The following NPSR1 variants were observed in gnomAD, a reference collection of about 807,000 sequenced individuals.
The protein encoded by NPSR1 is neuropeptide S receptor.
A neutral mutation model predicts 46.9 loss-of-function variants in NPSR1; 48 were observed. The ratio of observed to expected loss-of-function variants is 1.02; its 90% confidence interval spans 0.81 to 1.30. The LOEUF is 1.30. Among genes scored for constraint, NPSR1 ranks in the 50% most tolerant of loss-of-function variants. The pLI is 0.00. For synonymous variants in NPSR1, 176 were observed against 168.1 expected, an observed-to-expected ratio of 1.05 and a Z score of -0.36; for missense variants, 450 against 449.5, an observed-to-expected ratio of 1.00 and a Z score of -0.01.
At chr7:34,680,578 G>A (rs1307468914) in intron 1 of NPSR1, among the ~76,000 whole-genome samples, 2 of 152,080 alleles carry the variant, frequency 1.3e-5, no homozygotes, top group Admixed American at 1.3e-4. Flanking sequence ...GTACCCTATA[G>A]CATTGTTTCT....
intron 2 of NPSR1, among the ~76,000 whole-genome samples, chr7:34,759,099 A>G (rs1786028648): frequency 6.6e-6 from 1 of 152,140 alleles, no homozygotes; most frequent in Non-Finnish European, 1.5e-5. Flanking sequence ...CAGTATATCA[A>G]TTTGTCCCAT....
Position 34,792,703 on chromosome 7 carries a change from A to ATATATATATTTTTTTATATATATG in NPSR1, c.384+14147_384+14148insTTTTTTATATATATGTATATATAT, listed in dbSNP as rs57249705. Reference sequence around the variant, plus strand: ...TATATATATATGTATATATATACGTATATATATATATTTATATATATATAT... The same window carrying ATATATATATTTTTTTATATATATG: ...TATATATATATGTATATATATACGTATATATATATTTTTTTATATATATGTATATATATATTTATATATATATAT... On this transcript the variant is annotated intron_variant, in intron 3 of 8. Transcript: ENST00000360581. Among the ~76,000 whole-genome samples the ATATATATATTTTTTTATATATATG allele has an allele frequency of 7.2e-4, 64 of 88,506 alleles. 1 individual carries two copies. Among genetic ancestry groups the ATATATATATTTTTTTATATATATG allele is most frequent in the Non-Finnish European group, 1.2e-3 (49 of 40,858 alleles). 58.1% of individuals were successfully genotyped at this position (88,506 alleles called of 152,430 possible). A position where few individuals can be genotyped will look rare whatever the true frequency, so the allele number is the denominator to read the frequency against.
chr7:34,869,718 G>A (rs778867331), intron 8 of NPSR1, among the ~76,000 whole-genome samples: 4 of 151,792 alleles, frequency 2.6e-5, no homozygotes, highest in Non-Finnish European at 4.4e-5. Context: ...AAGAGTGGTA[G>A]GGAACAGTAA....
chr7:34,660,508 A>G (rs920415163), intron 1 of NPSR1, among the ~76,000 whole-genome samples: 1 of 151,396 alleles, frequency 6.6e-6, no homozygotes, highest in Non-Finnish European at 1.5e-5. Flanking sequence ...ATTCGAAACC[A>G]TGCTCCCTTT....
chr7:34,745,918 G>C (rs35502646), intron 2 of NPSR1, among the ~76,000 whole-genome samples: 46,234 of 152,082 alleles, frequency 0.3, 7,534 homozygotes, highest in East Asian at 0.44. Flanking sequence ...TTATACATTT[G>C]AGTTTTCCAA....
At chr7:34,724,262 A>G (rs1784021736) in intron 2 of NPSR1, among the ~76,000 whole-genome samples, 1 of 152,254 alleles carries the variant, frequency 6.6e-6, no homozygotes, top group Non-Finnish European at 1.5e-5. Context: ...ACAGATTCAG[A>G]AAAATAAACC....
chr7:34,717,495 AG>A lies in NPSR1; in HGVS notation c.280+32814del, dbSNP rs558408713. ...TTAATTTATCAGGCTCCTTTTCTAA[AG>A]GGTTAGATGAGGGGGAAATGTAAGA... On this transcript the variant is annotated intron_variant, in intron 2 of 8. Transcript: ENST00000360581. Among the ~76,000 whole-genome samples, 1,026 of 152,256 alleles carry A rather than the reference AG, an allele frequency of 6.7e-3. 13 individuals are homozygous for A. The highest frequency in any genetic ancestry group is 0.023 in the African/African-American group (967 of 41,552).
At chr7:34,854,514 A>G (rs1398533070), downstream of NPSR1, among the ~76,000 whole-genome samples, 3 of 152,284 alleles carry the variant, frequency 2.0e-5, no homozygotes, top group Admixed American at 1.3e-4. Flanking sequence ...TGGTAAGGCT[A>G]TATTAATAAA....
intron 1 of NPSR1, among the ~76,000 whole-genome samples, chr7:34,665,886 A>T (rs907548303): frequency 1.3e-5 from 2 of 152,150 alleles, no homozygotes; most frequent in Non-Finnish European, 2.9e-5. Flanking sequence ...CCACACACAC[A>T]CAGACTAGAT....
At chr7:34,835,963 G>A (rs190317740) in intron 6 of NPSR1, among the ~76,000 whole-genome samples, 35 of 152,274 alleles carry the variant, frequency 2.3e-4, no homozygotes, top group Non-Finnish European at 4.6e-4. Context: ...CATTTTTAAT[G>A]TTCAACCAGG....
At chr7:34,724,737 A>C (rs529238193) in intron 2 of NPSR1, among the ~76,000 whole-genome samples, 7 of 152,210 alleles carry the variant, frequency 4.6e-5, no homozygotes, top group Admixed American at 3.9e-4. Flanking sequence ...GCTAAGCCTC[A>C]CCTTACCTGT....
At chr7:34,750,381 T>A in intron 2 of NPSR1, 1 of 741,812 alleles carries the variant, frequency 1.3e-6, no homozygotes, top group Non-Finnish European at 2.5e-6. Flanking sequence ...TTTGGTTTCT[T>A]TTCGGAAGCT....
intron 2 of NPSR1, among the ~76,000 whole-genome samples, chr7:34,742,564 G>A (rs1370352571): frequency 2.0e-5 from 3 of 152,158 alleles, no homozygotes; most frequent in African/African-American, 7.2e-5. Context: ...CATCCAATCT[G>A]TCATTGATGG....
Position 34,878,125 on chromosome 7 carries a change from C to T in NPSR1, c.1075C>T (p.Gln359Ter), listed in dbSNP as rs755972485. Residue 359 changes from glutamine (Q) to a stop codon, truncating the protein, a stop_gained, in exon 9 of 9, where the codon CAA (glutamine) becomes TAA (stop). Transcript: ENST00000359791. LOFTEE classifies it low-confidence loss of function (END_TRUNC). ...GGAGGCTGCGCTAATGCTCTGCCCT[C>T]AACGAGAGAACTGGAAGGGTACTTG... The T allele has an allele frequency of 6.2e-6, 10 of 1,611,130 alleles. No individual in the cohort carries two copies. Among genetic ancestry groups the T allele is most frequent in the Non-Finnish European group, 7.6e-6 (9 of 1,178,372 alleles).
chr7:34,702,127 C>T (rs1465321365), intron 2 of NPSR1, among the ~76,000 whole-genome samples: 2 of 152,298 alleles, frequency 1.3e-5, no homozygotes, highest in East Asian at 1.9e-4. Flanking sequence ...CCCTCAAGTT[C>T]AGCTCATGGT....
chr7:34,658,391 G>A lies in NPSR1; in HGVS notation c.-22G>A. On this transcript the variant is annotated 5_prime_UTR_variant, in exon 1 of 9. Transcript: ENST00000360581. Reference sequence around the variant, plus strand: ...ACTCAGCTGCAGGAGCAAGGACAGTGAGGCTCAACCCCGCCTGAGCCATGC... The same window carrying A: ...ACTCAGCTGCAGGAGCAAGGACAGTAAGGCTCAACCCCGCCTGAGCCATGC... The A allele has an allele frequency of 6.2e-7, 1 of 1,612,680 alleles. No individual in the cohort carries two copies. Among genetic ancestry groups the A allele is most frequent in the Non-Finnish European group, 8.5e-7 (1 of 1,179,718 alleles).
chr7:34,739,449 G>T (rs918594045), intron 2 of NPSR1, among the ~76,000 whole-genome samples: 3 of 152,070 alleles, frequency 2.0e-5, no homozygotes, highest in African/African-American at 7.2e-5. Flanking sequence ...CTGTGAAATG[G>T]TATCTCTGTG....
chr7:34,803,810 G>A (rs1225503737), intron 3 of NPSR1, among the ~76,000 whole-genome samples: 1 of 149,386 alleles, frequency 6.7e-6, no homozygotes, highest in East Asian at 1.9e-4. Flanking sequence ...AAATGAAAGA[G>A]GGGTCATCAC....
intron 8 of NPSR1, among the ~76,000 whole-genome samples, chr7:34,862,355 A>G (rs993634663): frequency 1.3e-5 from 2 of 151,764 alleles, no homozygotes; most frequent in African/African-American, 4.9e-5. Context: ...GAGTCCCAGA[A>G]TCAGCCCTGG....
Sources: allele counts gnomAD v4.1 joint callset (sites outside exome capture counted in the v4.1 genomes callset), GRCh38; gene constraint gnomAD v4.1.1; transcripts MANE v1.5; gene names NCBI Gene and HGNC (gene_info 2026-07-23, HGNC 2026-07-21).